The following SNX10 variants were observed in gnomAD, a reference collection of about 807,000 sequenced individuals.
SNX10 encodes the protein sorting nexin 10.
A neutral mutation model predicts 28.5 loss-of-function variants in SNX10; 25 were observed. The observed-to-expected ratio is 0.88, with a 90% CI of 0.64 to 1.22. The LOEUF is 1.22. Among genes scored for constraint, SNX10 ranks in the 50% most tolerant of loss-of-function variants. SNX10 has a pLI of 0.00. For synonymous variants in SNX10, 62 were observed against 81.4 expected (o/e 0.76, Z 1.28); for missense variants, 223 against 242.6 (o/e 0.92, Z 0.54).
At chr7:26,342,919 AC>A (rs1788237761) in intron 1 of SNX10, among the ~76,000 whole-genome samples, 2 of 151,786 alleles carry the variant, frequency 1.3e-5, no homozygotes, top group African/African-American at 4.8e-5. Flanking sequence ...CAGTCCTCCC[AC>A]CTCAGCCTCC....
chr7:26,326,475 C>G (rs539977996), intron 1 of SNX10, among the ~76,000 whole-genome samples: 2 of 152,168 alleles, frequency 1.3e-5, no homozygotes. Flanking sequence ...CTACATGGAT[C>G]ATACTGTACT....
intron 2 of SNX10, among the ~76,000 whole-genome samples, chr7:26,360,011 A>G (rs1429430043): frequency 6.6e-6 from 1 of 152,236 alleles, no homozygotes; most frequent in East Asian, 1.9e-4. Context: ...ATAAAAGAAC[A>G]AAATTATCTA....
chr7:26,308,936 G>A (rs1786704748), intron 1 of SNX10, among the ~76,000 whole-genome samples: 1 of 152,172 alleles, frequency 6.6e-6, no homozygotes, highest in East Asian at 1.9e-4. Context: ...CTTGTTGGTG[G>A]GAAGAAGTCC....
At chr7:26,343,092 C>T (rs532499777) in intron 1 of SNX10, among the ~76,000 whole-genome samples, 3 of 152,300 alleles carry the variant, frequency 2.0e-5, no homozygotes, top group African/African-American at 7.2e-5. Context: ...GTGTGAGCCC[C>T]CGGGGCCAGT....
intron 1 of SNX10, among the ~76,000 whole-genome samples, chr7:26,299,932 C>T (rs997865656): frequency 6.6e-6 from 1 of 151,612 alleles, no homozygotes; most frequent in African/African-American, 2.4e-5. Flanking sequence ...ATAGAAAAGC[C>T]GGGCATGGTG....
At chr7:26,306,408 G>A (rs1786594293) in intron 1 of SNX10, among the ~76,000 whole-genome samples, 1 of 138,424 alleles carries the variant, frequency 7.2e-6, no homozygotes, top group South Asian at 2.5e-4. Context: ...GATGCTTGAA[G>A]AGAATTTTTT....
At position 26,374,053 on chromosome 7, in the gene SNX10, GGAAAA is replaced by G. The variant is rs902666202; in HGVS notation, c.*1489_*1493del. 46 of 151,822 alleles carry G rather than the reference GGAAAA, an allele frequency of 3.0e-4. 2 individuals are homozygous for G. The highest frequency in any genetic ancestry group is 1.1e-3 in the African/African-American group (44 of 41,452). 9.4% of individuals were successfully genotyped at this position (151,822 alleles called of 1,614,324 possible). On this transcript the variant is annotated 3_prime_UTR_variant, in exon 7 of 7. Transcript: ENST00000338523. ...CTTAGATCCTCATTATTTTAATACAGGAAAAGAAAAGATTTAGTAATTTCTTACCA... is the reference window on the plus strand; with the variant it reads ...CTTAGATCCTCATTATTTTAATACAGGAAAAGATTTAGTAATTTCTTACCA...
At chr7:26,301,018 CCAAAAAAAA>C (rs1253896813) in intron 1 of SNX10, among the ~76,000 whole-genome samples, 3 of 63,912 alleles carry the variant, frequency 4.7e-5, no homozygotes, top group African/African-American at 5.7e-5. Context: ...TACTCTGTCT[CCAAAAAAAA>C]AAAAAAAAAA....
chr7:26,368,878 G>A (rs1789397703), intron 5 of SNX10, among the ~76,000 whole-genome samples: 1 of 151,748 alleles, frequency 6.6e-6, no homozygotes, highest in South Asian at 2.1e-4. Flanking sequence ...ATGCAGTTAT[G>A]TATATATATC....
At chr7:26,360,900 A>G in intron 2 of SNX10, 75 bp from the exon 3 acceptor site, 2 of 1,580,300 alleles carry the variant, frequency 1.3e-6, no homozygotes, top group South Asian at 1.2e-5. Context: ...GTTTTAGTGC[A>G]GTCGTTTTGT....
intron 3 of SNX10, among the ~76,000 whole-genome samples, chr7:26,363,962 C>T (rs1247861219): frequency 6.6e-6 from 1 of 152,182 alleles, no homozygotes; most frequent in Non-Finnish European, 1.5e-5. Context: ...TGTTTATCCC[C>T]ACGTACCACG....
chr7:26,335,217 T>G (rs1455810736), intron 1 of SNX10, among the ~76,000 whole-genome samples: 1 of 152,146 alleles, frequency 6.6e-6, no homozygotes, highest in Non-Finnish European at 1.5e-5. Flanking sequence ...TCTGTGGCCT[T>G]TAGTGTCTTT....
At chr7:26,338,884 A>G (rs1465264017) in intron 1 of SNX10, among the ~76,000 whole-genome samples, 2 of 152,134 alleles carry the variant, frequency 1.3e-5, no homozygotes, top group Non-Finnish European at 2.9e-5. Flanking sequence ...ATATCAGCTG[A>G]TCCTTCCAGT....
intron 2 of SNX10, among the ~76,000 whole-genome samples, chr7:26,351,984 TTAA>T (rs915046593): frequency 6.6e-6 from 1 of 152,092 alleles, no homozygotes; most frequent in Non-Finnish European, 1.5e-5. Flanking sequence ...TGGACTTCAG[TTAA>T]TAATAACATG....
rs555615489 is a variant in SNX10 at position 26,305,531 on chromosome 7, T to G, written c.-24+13445T>G. 1.2e-4 allele frequency among the ~76,000 whole-genome samples: 18 copies of G among 152,332 alleles called. No individual in the cohort carries two copies. In the South Asian group the frequency reaches 3.7e-3, roughly 32 times the overall value. ...GATTAGGGGGCAGGCAGTGTTACTG[T>G]AGCTCTGGGCTCTGGAATCTCACAG... On this transcript the variant is annotated intron_variant, in intron 1 of 6. Transcript: ENST00000338523.
intron 2 of SNX10, among the ~76,000 whole-genome samples, chr7:26,346,810 G>A (rs1788407039): frequency 6.6e-6 from 1 of 152,156 alleles, no homozygotes; most frequent in African/African-American, 2.4e-5. Flanking sequence ...CTTCCTTCAG[G>A]TAGCAGCCCA....
At position 26,373,656 on chromosome 7, in the gene SNX10, A is replaced by T. The variant is rs1277620216; in HGVS notation, c.*1084A>T. ...TGAAGTTCAGATTTCAGATGAGGCA[A>T]CATTTTCTTGAGATAATTACCCAAG... On this transcript the variant is annotated 3_prime_UTR_variant, in exon 7 of 7. Coordinates refer to ENST00000338523, the MANE Select transcript of SNX10 (RefSeq NM_013322.3). The surrounding 1 kb of genome is among the most constrained non-coding windows in gnomAD (Gnocchi z 4.2). 6.6e-6 allele frequency: 1 copy of T among 152,024 alleles called. No individual in the cohort carries two copies. The highest frequency in any genetic ancestry group is 1.5e-5 in the Non-Finnish European group (1 of 67,892). The allele number at this position is 152,024 out of a possible 1,614,324, so 9.4% of individuals were successfully genotyped here.
chr7:26,307,594 C>T (rs1257837655), intron 1 of SNX10, among the ~76,000 whole-genome samples: 3 of 152,038 alleles, frequency 2.0e-5, no homozygotes, highest in South Asian at 2.1e-4. Context: ...ACTATGGGTG[C>T]GTGCCATGAA....
At chr7:26,327,953 A>AGG (rs913180123) in intron 1 of SNX10, among the ~76,000 whole-genome samples, 29 of 151,778 alleles carry the variant, frequency 1.9e-4, no homozygotes, top group Non-Finnish European at 2.6e-4. Flanking sequence ...AGGATGGTTC[A>AGG]GATCTCCTGA....
Sources: gnomAD v4.1 joint callset for allele counts (sites outside exome capture counted in the v4.1 genomes callset) on GRCh38, gnomAD v4.1.1 for gene constraint, Gnocchi (gnomAD v3.1) non-coding constraint, MANE v1.5 for transcripts, NCBI Gene and HGNC (gene_info 2026-07-23, HGNC 2026-07-21) for gene names.